NFX1: variants seen among roughly 807,000 people sequenced by gnomAD.
NFX1 encodes the protein transcriptional repressor NF-X1.
NFX1 carries 69 observed loss-of-function variants against 137.2 expected under a neutral mutation model. The ratio of observed to expected loss-of-function variants is 0.50; its 90% CI spans 0.41 to 0.61. The LOEUF (loss-of-function observed/expected upper bound fraction) is 0.61. NFX1 is among the 20% of genes least tolerant of loss of function. NFX1 has a pLI of 0.00. For missense variants in NFX1, 1,167 were observed against 1,391.0 expected (o/e 0.84, Z 2.56); for synonymous variants, 495 against 474.1 (o/e 1.04, Z -0.57).
intron 3 of NFX1, among the ~76,000 whole-genome samples, chr9:33,302,260 C>A (rs1032294488): frequency 1.3e-5 from 2 of 151,858 alleles, no homozygotes; most frequent in Non-Finnish European, 2.9e-5. Flanking sequence ...TTAGGAGCAT[C>A]CCATTTCTAC....
intron 15 of NFX1, among the ~76,000 whole-genome samples, chr9:33,349,424 G>T (rs1057338435): frequency 4.6e-5 from 7 of 152,146 alleles, no homozygotes; most frequent in African/African-American, 1.7e-4. Flanking sequence ...TATCCCCTTT[G>T]CCCTGGTAGT....
chr9:33,313,981 A>T (rs1202329018), intron 7 of NFX1, among the ~76,000 whole-genome samples, 188 bp downstream of exon 7: 1 of 151,926 alleles, frequency 6.6e-6, no homozygotes, highest in Non-Finnish European at 1.5e-5. Context: ...TCATTGTCCT[A>T]TATAATTTTT....
chr9:33,300,380 G>C (rs963513448), intron 2 of NFX1, among the ~76,000 whole-genome samples: 1 of 152,018 alleles, frequency 6.6e-6, no homozygotes, highest in Admixed American at 6.6e-5. Flanking sequence ...GCCTTTTTGA[G>C]AGGACTAAAT....
At chr9:33,316,911 C>T (rs1383040430) in intron 7 of NFX1, among the ~76,000 whole-genome samples, 4 of 152,120 alleles carry the variant, frequency 2.6e-5, no homozygotes, top group East Asian at 1.9e-4. Context: ...GATTCTTTTG[C>T]TCACAGCTTT....
chr9:33,350,521 G>A (rs1823599326), intron 15 of NFX1, among the ~76,000 whole-genome samples: 1 of 152,142 alleles, frequency 6.6e-6, no homozygotes, highest in African/African-American at 2.4e-5. Flanking sequence ...TTTGTTTGTT[G>A]TCACTTTGGA....
intron 7 of NFX1, among the ~76,000 whole-genome samples, chr9:33,315,869 G>T (rs1822144753): frequency 7.0e-6 from 1 of 142,964 alleles, no homozygotes; most frequent in South Asian, 2.4e-4. Context: ...TCCAGCCTAG[G>T]TGACAGTACC....
At chr9:33,301,810 G>A (rs1312369682) in intron 3 of NFX1, among the ~76,000 whole-genome samples, 3 of 152,020 alleles carry the variant, frequency 2.0e-5, no homozygotes, top group Admixed American at 2.0e-4. Context: ...GATGGCTCAC[G>A]CCTGTAATCC....
At chr9:33,306,991 T>G (rs1821777362) in intron 4 of NFX1, among the ~76,000 whole-genome samples, 1 of 152,232 alleles carries the variant, frequency 6.6e-6, no homozygotes, top group Admixed American at 6.5e-5. Context: ...AATCCAAGAT[T>G]TAAGATTTAT....
Position 33,367,607 on chromosome 9 carries a change from A to G in NFX1, c.3278A>G (p.His1093Arg), listed in dbSNP as rs773078157. 6 of 1,613,750 alleles carry G rather than the reference A, an allele frequency of 3.7e-6. No homozygotes were observed. The highest frequency in any genetic ancestry group is 5.1e-6 in the Non-Finnish European group (6 of 1,179,728). The change falls in exon 23 of 24, where the codon CAT (histidine) becomes CGT (arginine). Residue 1093 changes from histidine to arginine, a missense_variant. Around this residue, in one of 3 missense-constraint regions of NFX1, gnomAD observed 312 missense variants for 312.8 expected, o/e 1.00. Transcript: ENST00000379540. ...CCACCACCGATTCCTCATCACAGAC[A>G]TCAGTCAGACAAGTAAGATTCTCCA... ...RPPPPIPHHR[H>R]QSDKNPGSSN...
At position 33,354,878 on chromosome 9, in the gene NFX1, C is replaced by T. The variant is rs554807119; in HGVS notation, c.2859C>T (p.Ala953=). ...TGGAGTGTGATGAGGAGTGTTCAGC[C>T]TTGGAAAGGAAAAAGTAAGTAGTTG... The part of the protein sequence containing the change: ...ARLECDEECS[A]LERKKRLAEA... Residue 953 remains alanine (A), a synonymous_variant, in exon 19 of 24, where the codon GCC becomes GCT. Transcript: ENST00000379540. 1.5e-4 allele frequency: 237 copies of T among 1,613,796 alleles called. 2 individuals carry two copies. In the South Asian group the frequency reaches 2.5e-3, roughly 17 times the overall value.
At chr9:33,368,927 A>G (rs1323285319) in intron 23 of NFX1, among the ~76,000 whole-genome samples, 1 of 152,182 alleles carries the variant, frequency 6.6e-6, no homozygotes, top group African/African-American at 2.4e-5. Context: ...GGTTCTGGTC[A>G]GCACAGTCTG....
chr9:33,354,421 C>T, intron 18 of NFX1, among the ~76,000 whole-genome samples: 1 of 152,176 alleles, frequency 6.6e-6, no homozygotes, highest in East Asian at 1.9e-4. Flanking sequence ...GAAGCAGAGA[C>T]CTATAGGTGT....
chr9:33,344,150 C>G lies in NFX1; in HGVS notation c.2306C>G (p.Thr769Ser). 1 of 1,614,036 alleles carries G rather than the reference C, an allele frequency of 6.2e-7. No homozygotes were observed. Among genetic ancestry groups the G allele is most frequent in the Non-Finnish European group, 8.5e-7 (1 of 1,179,962 alleles). The change falls in exon 14 of 24, where the codon ACC becomes AGC. Residue 769 changes from threonine to serine, a missense_variant. Thr to Ser is a moderately conservative substitution (Grantham distance 58). Around this residue, in one of 3 missense-constraint regions of NFX1, gnomAD observed 488 missense variants for 691.5 expected, o/e 0.71. Coordinates refer to ENST00000379540, the MANE Select transcript of NFX1 (RefSeq NM_002504.6). ...VPCGTRPPEC[T>S]QTCARVHECD... Reference sequence around the variant, plus strand: ...TGTGGTACTAGGCCCCCTGAATGTACCCAAACCTGCGCTAGAGTCCATGAG... The same window carrying G: ...TGTGGTACTAGGCCCCCTGAATGTAGCCAAACCTGCGCTAGAGTCCATGAG...
chr9:33,360,277 A>G (rs537361165), intron 19 of NFX1, among the ~76,000 whole-genome samples: 62 of 152,222 alleles, frequency 4.1e-4, no homozygotes, highest in Non-Finnish European at 4.6e-4. Context: ...TCACTTAGCT[A>G]TGAGACCTTG....
At chr9:33,342,680 G>T in intron 12 of NFX1, 66 bp from the exon 13 acceptor site, 3 of 1,067,814 alleles carry the variant, frequency 2.8e-6, no homozygotes, top group Admixed American at 2.6e-5. Flanking sequence ...TATTAATCTT[G>T]TTGTTATTTA....
chr9:33,351,095 G>A (rs961067775), intron 15 of NFX1, among the ~76,000 whole-genome samples: 18 of 152,156 alleles, frequency 1.2e-4, no homozygotes, highest in African/African-American at 2.9e-4. Context: ...AGTGAGCCCC[G>A]AGATTGGCGC....
chr9:33,320,757 T>C (rs1472038883), intron 9 of NFX1, among the ~76,000 whole-genome samples: 1 of 152,206 alleles, frequency 6.6e-6, no homozygotes, highest in East Asian at 1.9e-4. Context: ...GCAACTGAGA[T>C]TGAATAGGAA....
intron 10 of NFX1, among the ~76,000 whole-genome samples, chr9:33,331,602 A>G (rs909650699): frequency 5.9e-5 from 9 of 151,896 alleles, no homozygotes; most frequent in African/African-American, 1.9e-4. Flanking sequence ...TCAATCCCAG[A>G]CACCTCATTT....
At chr9:33,318,440 A>G (rs1822255763) in intron 7 of NFX1, among the ~76,000 whole-genome samples, 1 of 152,294 alleles carries the variant, frequency 6.6e-6, no homozygotes, top group Non-Finnish European at 1.5e-5. Flanking sequence ...AGGTTGCTTC[A>G]CTCTGATGCT....
Sources: gnomAD v4.1 joint callset for allele counts (sites outside exome capture counted in the v4.1 genomes callset) on GRCh38, gnomAD v4.1.1 for gene constraint, gnomAD v4.1.1 regional missense constraint, MANE v1.5 for transcripts, NCBI Gene and HGNC (gene_info 2026-07-23, HGNC 2026-07-21) for gene names.